The following CCR3 variants were observed in gnomAD, a reference collection of about 807,000 sequenced individuals.
The protein encoded by CCR3 is C-C chemokine receptor type 3.
For missense variants in CCR3, 419 were observed against 437.5 expected (o/e 0.96, Z 0.38); for synonymous variants, 203 against 179.2 (o/e 1.13, Z -1.06).
At chr3:46,237,420 T>A (rs557213997) in intron 2 of CCR3, among the ~76,000 whole-genome samples, 8 of 152,352 alleles carry the variant, frequency 5.3e-5, no homozygotes, top group African/African-American at 1.9e-4. Context: ...TCCTTTGCTG[T>A]GCAGAAGCTT....
intron 1 of CCR3, among the ~76,000 whole-genome samples, chr3:46,250,051 G>A (rs898220157): frequency 1.5e-4 from 23 of 152,056 alleles, no homozygotes; most frequent in Non-Finnish European, 2.2e-4. Context: ...GCTGTAAAGC[G>A]TCTCAGGGTT....
intron 2 of CCR3, among the ~76,000 whole-genome samples, chr3:46,233,100 G>A (rs1206641359): frequency 2.0e-5 from 3 of 152,236 alleles, no homozygotes; most frequent in Non-Finnish European, 4.4e-5. Flanking sequence ...CAAAGTGCTG[G>A]GATTACTGGC....
intron 2 of CCR3, among the ~76,000 whole-genome samples, chr3:46,234,538 C>G (rs544891415): frequency 6.6e-6 from 1 of 152,240 alleles, no homozygotes; most frequent in Non-Finnish European, 1.5e-5. Context: ...TGCTTATCCT[C>G]ACATAAATTA....
chr3:46,250,204 T>G (rs1046240566), intron 1 of CCR3, among the ~76,000 whole-genome samples: 6 of 152,010 alleles, frequency 3.9e-5, no homozygotes, highest in Admixed American at 3.9e-4. Flanking sequence ...AGTAAATTGC[T>G]GGGCAGGTGG....
chr3:46,211,120 G>A (rs930732432), intron 2 of CCR3, among the ~76,000 whole-genome samples: 3 of 152,070 alleles, frequency 2.0e-5, no homozygotes, highest in African/African-American at 7.2e-5. Flanking sequence ...AATCTACAGA[G>A]GGCTTGTTAA....
At chr3:46,264,689 A>G in intron 1 of CCR3, 1 of 475,934 alleles carries the variant, frequency 2.1e-6, no homozygotes, top group Non-Finnish European at 3.7e-6. Flanking sequence ...AATTGTAATA[A>G]TCATTGTTAT....
intron 2 of CCR3, among the ~76,000 whole-genome samples, chr3:46,227,285 C>A (rs141843840): frequency 6.6e-6 from 1 of 152,232 alleles, no homozygotes; most frequent in East Asian, 1.9e-4. Flanking sequence ...TAAAGTAGTT[C>A]ATAGTATTCT....
At chr3:46,240,035 G>A (rs1397990481), upstream of CCR3, among the ~76,000 whole-genome samples, 1 of 152,080 alleles carries the variant, frequency 6.6e-6, no homozygotes, top group Non-Finnish European at 1.5e-5. Flanking sequence ...TTTGCTCCAT[G>A]CCCACTACCT....
At chr3:46,212,773 G>A (rs967287621) in intron 2 of CCR3, among the ~76,000 whole-genome samples, 2 of 152,122 alleles carry the variant, frequency 1.3e-5, no homozygotes, top group African/African-American at 2.4e-5. Flanking sequence ...AAGTGAAAGA[G>A]GGCATTGGGC....
At chr3:46,232,303 C>G (rs963465382) in intron 2 of CCR3, among the ~76,000 whole-genome samples, 1 of 152,120 alleles carries the variant, frequency 6.6e-6, no homozygotes, top group Non-Finnish European at 1.5e-5. Flanking sequence ...AAGCAGCCAC[C>G]AAGCAGGTTT....
intron 1 of CCR3, among the ~76,000 whole-genome samples, chr3:46,247,398 A>G (rs1286423763): frequency 6.6e-6 from 1 of 152,186 alleles, no homozygotes; most frequent in African/African-American, 2.4e-5. Context: ...GCTGTACCTT[A>G]TAGCATTCCG....
intron 2 of CCR3, among the ~76,000 whole-genome samples, chr3:46,211,397 A>AT (rs35633524): frequency 1.6e-5 from 2 of 125,362 alleles, no homozygotes; most frequent in Admixed American, 7.4e-5. Context: ...ATATATATAT[A>AT]TTTTTTGTAG....
intron 2 of CCR3, among the ~76,000 whole-genome samples, chr3:46,212,219 T>G (rs1273326152): frequency 6.6e-6 from 1 of 152,162 alleles, no homozygotes; most frequent in Non-Finnish European, 1.5e-5. Flanking sequence ...GCAAACCTTT[T>G]AGGTTCGGTG....
At chr3:46,212,471 C>T (rs1559522407) in intron 2 of CCR3, among the ~76,000 whole-genome samples, 1 of 145,218 alleles carries the variant, frequency 6.9e-6, no homozygotes, top group South Asian at 2.4e-4. Flanking sequence ...CATTTCCCCC[C>T]TCTTGGCCCC....
intron 2 of CCR3, among the ~76,000 whole-genome samples, chr3:46,215,632 C>T (rs570927616): frequency 8.5e-5 from 13 of 152,256 alleles, no homozygotes; most frequent in South Asian, 4.1e-4. Context: ...TAGAGGATCA[C>T]GTTCTAGTGG....
chr3:46,225,034 C>G (rs1239050674), intron 2 of CCR3, among the ~76,000 whole-genome samples: 2 of 151,998 alleles, frequency 1.3e-5, no homozygotes, highest in African/African-American at 4.8e-5. Flanking sequence ...ACTGATAGTC[C>G]AAAATTCTTA....
At chr3:46,236,117 T>C (rs1196409659) in intron 2 of CCR3, among the ~76,000 whole-genome samples, 1 of 152,190 alleles carries the variant, frequency 6.6e-6, no homozygotes, top group African/African-American at 2.4e-5. Context: ...GGCTTGAGCC[T>C]GTGTGCCCAT....
At chr3:46,261,413 C>T (rs1036635230) in intron 1 of CCR3, among the ~76,000 whole-genome samples, 3 of 152,094 alleles carry the variant, frequency 2.0e-5, no homozygotes, top group African/African-American at 4.8e-5. Context: ...AAAGAATATA[C>T]GACAAAGGTG....
Position 46,265,362 on chromosome 3 carries a change from G to T in CCR3, c.204G>T (p.Met68Ile), listed in dbSNP as rs1352849013. The change falls in exon 2 of 2, where the codon ATG becomes ATT. Residue 68 changes from methionine (M) to isoleucine (I), a missense_variant. Transcript: ENST00000395940. Reference protein sequence around the residue: ...ILIKYRRLRIMTNIYLLNLAI... With the variant: ...ILIKYRRLRIITNIYLLNLAI... The stretch of plus-strand genomic sequence containing the variant: ...TAAAATACAGGAGGCTCCGAATTAT[G>T]ACCAACATCTACCTGCTCAACCTGG... 3 of 1,614,006 alleles carry T rather than the reference G, an allele frequency of 1.9e-6. No individual in the cohort carries two copies. Among genetic ancestry groups the T allele is most frequent in the East Asian group, 4.5e-5 (2 of 44,892 alleles).
Sources: allele counts gnomAD v4.1 joint callset (sites outside exome capture counted in the v4.1 genomes callset), GRCh38; gene constraint gnomAD v4.1.1; transcripts MANE v1.5; gene names NCBI Gene and HGNC (gene_info 2026-07-23, HGNC 2026-07-21).